PLA2G12B: variants seen among roughly 807,000 people sequenced by gnomAD.
The protein encoded by PLA2G12B is group XIIB secretory phospholipase A2-like protein.
A neutral mutation model predicts 22.3 loss-of-function variants in PLA2G12B; 19 were observed. The observed-to-expected ratio is 0.85, with a 90% CI of 0.60 to 1.25. The LOEUF is 1.25. PLA2G12B is among the 50% of genes most tolerant of loss of function. The pLI is 0.00. For synonymous variants in PLA2G12B, 81 were observed against 94.9 expected (o/e 0.85, Z 0.85); for missense variants, 191 against 246.6 (o/e 0.77, Z 1.51).
intron 1 of PLA2G12B, among the ~76,000 whole-genome samples, chr10:72,949,603 A>C (rs1302962132): frequency 6.6e-6 from 1 of 152,242 alleles, no homozygotes; most frequent in African/African-American, 2.4e-5. Flanking sequence ...ATAACGAATG[A>C]ATAATAAGAG....
At chr10:72,953,528 ATAAAT>A (rs1277420997) in intron 1 of PLA2G12B, among the ~76,000 whole-genome samples, 2 of 152,168 alleles carry the variant, frequency 1.3e-5, no homozygotes, top group Non-Finnish European at 2.9e-5. Flanking sequence ...GAGATAGTTG[ATAAAT>A]TAAACCATAA....
At position 72,935,710 on chromosome 10, in the gene PLA2G12B, C is replaced by A. The variant is rs1157611451; in HGVS notation, c.495G>T (p.Val165=). Residue 165 remains valine, a synonymous_variant, in exon 4 of 4, where the codon GTG becomes GTT. Coordinates refer to ENST00000373032, the MANE Select transcript of PLA2G12B (RefSeq NM_032562.5). The part of the protein sequence containing the change: ...EAACDSLVDT[V]FNTVWTLGCR... The stretch of plus-strand genomic sequence containing the variant: ...AGCCCAAGGTCCACACGGTGTTGAA[C>A]ACAGTGTCAACCAGGGAATCACAGG... The A allele has an allele frequency of 6.2e-7, 1 of 1,614,132 alleles. No homozygotes were observed. The highest frequency in any genetic ancestry group is 8.5e-7 in the Non-Finnish European group (1 of 1,179,988).
At chr10:72,942,558 T>G (rs1846379656) in intron 2 of PLA2G12B, 94 bp downstream of exon 2, 1 of 1,065,424 alleles carries the variant, frequency 9.4e-7, no homozygotes. Context: ...TTCTTCAACT[T>G]TTTTCCAGAA....
Position 72,950,192 on chromosome 10 carries a change from C to T in PLA2G12B, c.211+4283G>A, listed in dbSNP as rs149599677. Among the ~76,000 whole-genome samples, 1,032 of 152,244 alleles carry T rather than the reference C, an allele frequency of 6.8e-3. 10 individuals carry two copies. The highest frequency in any genetic ancestry group is 0.024 in the African/African-American group (981 of 41,554). On this transcript the variant is annotated intron_variant, in intron 1 of 3. Coordinates refer to ENST00000373032, the MANE Select transcript of PLA2G12B (RefSeq NM_032562.5). ...AACTTGTCCTGGTTTGCCTGGTACCCGTCCCGGTGTTAGTACTGAAAGTCT... is the reference window on the plus strand; with the variant it reads ...AACTTGTCCTGGTTTGCCTGGTACCTGTCCCGGTGTTAGTACTGAAAGTCT...
chr10:72,949,176 C>G (rs190719660), intron 1 of PLA2G12B, among the ~76,000 whole-genome samples: 3 of 152,184 alleles, frequency 2.0e-5, no homozygotes, highest in South Asian at 4.2e-4. Flanking sequence ...TGCACATGTA[C>G]CCCAGAACTT....
chr10:72,943,964 TTTTC>T (rs200161898), intron 1 of PLA2G12B, among the ~76,000 whole-genome samples: 23 of 152,114 alleles, frequency 1.5e-4, no homozygotes, highest in East Asian at 3.9e-4. Context: ...TCTTTCTTTC[TTTTC>T]TTTCTTTCTT....
intron 1 of PLA2G12B, among the ~76,000 whole-genome samples, chr10:72,945,633 G>A (rs1250541275): frequency 6.7e-6 from 1 of 150,106 alleles, no homozygotes; most frequent in Admixed American, 6.6e-5. Context: ...ATATATAACT[G>A]TTGCAGTTGC....
chr10:72,948,957 T>G (rs1444410330), intron 1 of PLA2G12B, among the ~76,000 whole-genome samples: 1 of 152,186 alleles, frequency 6.6e-6, no homozygotes. Context: ...CGCCCTTTTA[T>G]CTCTCTGTCA....
At chr10:72,935,778 G>C in intron 3 of PLA2G12B, 40 bp from the exon 4 acceptor site, 1 of 1,601,910 alleles carries the variant, frequency 6.2e-7, no homozygotes, top group Non-Finnish European at 8.5e-7. Flanking sequence ...TTAACCCTGA[G>C]TAATTTTGAA....
Position 72,935,645 on chromosome 10 carries a change from C to G in PLA2G12B, c.560G>C (p.Cys187Ser). The G allele has an allele frequency of 6.2e-7, 1 of 1,614,208 alleles. No individual in the cohort carries two copies. The highest frequency in any genetic ancestry group is 8.5e-7 in the Non-Finnish European group (1 of 1,180,026). The change falls in exon 4 of 4, where the codon TGT (cysteine) becomes TCT (serine). Residue 187 changes from cysteine (C) to serine (S), a missense_variant. Physicochemically the swap from Cys to Ser is moderately radical, Grantham distance 112. Coordinates refer to ENST00000373032, the MANE Select transcript of PLA2G12B (RefSeq NM_032562.5). Reference sequence around the variant, plus strand: ...TAACTCTTCCTTCTCCTCCTCTGCACAGATGCAAGCTGCCCGCTGACTATT... The same window carrying G: ...TAACTCTTCCTTCTCCTCCTCTGCAGAGATGCAAGCTGCCCGCTGACTATT... ...FMNSQRAACICAEEEKEEL is the reference protein window; with the variant it reads ...FMNSQRAACISAEEEKEEL
chr10:72,947,781 T>C (rs1208030794), intron 1 of PLA2G12B, among the ~76,000 whole-genome samples: 1 of 152,198 alleles, frequency 6.6e-6, no homozygotes, highest in Non-Finnish European at 1.5e-5. Context: ...TTCCTCACGG[T>C]GCTGAAGGCT....
At chr10:72,939,354 T>C (rs1359227550) in intron 3 of PLA2G12B, among the ~76,000 whole-genome samples, 1 of 152,236 alleles carries the variant, frequency 6.6e-6, no homozygotes, top group Non-Finnish European at 1.5e-5. Flanking sequence ...AAACACTTTG[T>C]GTAGAATCTA....
In PLA2G12B at chr10:72,935,681, C is replaced by CG; in HGVS notation, c.523dup (p.Arg175ProfsTer6). The CG allele has an allele frequency of 6.2e-7, 1 of 1,614,118 alleles. No individual in the cohort carries two copies. Among genetic ancestry groups the CG allele is most frequent in the Non-Finnish European group, 8.5e-7 (1 of 1,180,010 alleles). On this transcript the variant is annotated frameshift_variant, in exon 4 of 4. Coordinates refer to ENST00000373032, the MANE Select transcript of PLA2G12B (RefSeq NM_032562.5). LOFTEE classifies it high-confidence loss of function. ...TGCCCGCTGACTATTCATAAAGGGG[C>CG]GGCAGCCCAAGGTCCACACGGTGTT...
intron 1 of PLA2G12B, among the ~76,000 whole-genome samples, chr10:72,947,986 T>G (rs1846469854): frequency 6.6e-6 from 1 of 152,210 alleles, no homozygotes; most frequent in Non-Finnish European, 1.5e-5. Flanking sequence ...GCCATTCTCC[T>G]GCCTCAGCCT....
In PLA2G12B at chr10:72,950,605, C is replaced by T. The variant is rs1274486513; in HGVS notation, c.211+3870G>A. On this transcript the variant is annotated intron_variant, in intron 1 of 3. Coordinates refer to ENST00000373032, the MANE Select transcript of PLA2G12B (RefSeq NM_032562.5). ...AAGTGATTCTCCTGCCTCAGCCTCC[C>T]AGGTAGCTGGGATTACAGGGCGCGC... Among the ~76,000 whole-genome samples the T allele has an allele frequency of 2.0e-5, 3 of 152,156 alleles. No individual in the cohort carries two copies. The East Asian group carries it at 5.8e-4, about 29-fold the overall frequency.
chr10:72,947,302 G>A (rs555342813), intron 1 of PLA2G12B, among the ~76,000 whole-genome samples: 2 of 152,190 alleles, frequency 1.3e-5, no homozygotes, highest in South Asian at 4.2e-4. Context: ...ATGCAGTGTT[G>A]TGATCTTGGC....
chr10:72,954,538 A>T lies in PLA2G12B; in HGVS notation c.148T>A (p.Phe50Ile). The T allele has an allele frequency of 6.2e-7, 1 of 1,614,216 alleles. No individual in the cohort carries two copies. ...RGSFESVNSY[F>I]DSFLELLGGK... ...CCCAGCAGCTCCAGAAAAGAATCGAAGTAGCTATTGACGGATTCAAAGCTT... is the reference window on the plus strand; with the variant it reads ...CCCAGCAGCTCCAGAAAAGAATCGATGTAGCTATTGACGGATTCAAAGCTT... The change falls in exon 1 of 4, where the codon TTC becomes ATC. Residue 50 changes from phenylalanine (F) to isoleucine (I), a missense_variant. Phe to Ile is a conservative substitution (Grantham distance 21). Coordinates refer to ENST00000373032, the MANE Select transcript of PLA2G12B (RefSeq NM_032562.5).
chr10:72,935,383 G>A lies in PLA2G12B; in HGVS notation c.*234C>T, dbSNP rs994506727. ...TGAATTTCCAGGCAAATGTGTCTTG[G>A]TTGGGGAGAGCAGTCTTAAATGAAG... is the stretch of plus-strand genomic sequence containing the variant. On this transcript the variant is annotated 3_prime_UTR_variant, in exon 4 of 4. Coordinates refer to ENST00000373032, the MANE Select transcript of PLA2G12B (RefSeq NM_032562.5). 4.4e-5 allele frequency: 20 copies of A among 459,640 alleles called. No individual in the cohort carries two copies. Among genetic ancestry groups the A allele is most frequent in the African/African-American group, 4.0e-4 (20 of 50,120 alleles). 28.5% of individuals were successfully genotyped at this position (459,640 alleles called of 1,614,324 possible).
intron 3 of PLA2G12B, among the ~76,000 whole-genome samples, chr10:72,940,487 A>ATCG (rs1554833518): frequency 1.0e-5 from 1 of 99,588 alleles, no homozygotes; most frequent in African/African-American, 2.0e-4. Context: ...GAGGCGGGCA[A>ATCG]CATGGGCAAC....
Sources: allele counts gnomAD v4.1 joint callset (sites outside exome capture counted in the v4.1 genomes callset), GRCh38; gene constraint gnomAD v4.1.1; transcripts MANE v1.5; gene names NCBI Gene and HGNC (gene_info 2026-07-23, HGNC 2026-07-21).